Variants in NTRK3 observed in about 807,000 individuals in gnomAD.
NTRK3 encodes NT-3 growth factor receptor.
Under a neutral mutation model 91.7 loss-of-function variants are expected in NTRK3, and 24 were observed. The ratio of observed to expected loss-of-function variants is 0.26; its 90% confidence interval spans 0.19 to 0.37. NTRK3 has a LOEUF of 0.37. NTRK3 is among the 10% of genes least tolerant of loss of function. The probability of loss-of-function intolerance (pLI) is 1.00; values close to 1 mark genes in which losing one functional copy is unlikely to be tolerated. For synonymous variants in NTRK3, 483 were observed against 404.0 expected (o/e 1.20, Z -2.34); for missense variants, 880 against 1,068.9 (o/e 0.82, Z 2.46).
chr15:88,029,187 A>C (rs1487393940), intron 14 of NTRK3, among the ~76,000 whole-genome samples: 1 of 152,222 alleles, frequency 6.6e-6, no homozygotes, highest in East Asian at 1.9e-4. Flanking sequence ...TTCTGTATAC[A>C]TTGCAAACTA....
chr15:88,215,464 G>A (rs2049683701), intron 3 of NTRK3, among the ~76,000 whole-genome samples: 1 of 152,194 alleles, frequency 6.6e-6, no homozygotes, highest in Non-Finnish European at 1.5e-5. Context: ...TGGCTCCCCT[G>A]AAACGTTCCG....
chr15:88,175,125 T>C (rs16941392), intron 5 of NTRK3, among the ~76,000 whole-genome samples: 3,640 of 152,362 alleles, frequency 0.024, 131 homozygotes, highest in African/African-American at 0.081. Flanking sequence ...TTACAGCCTC[T>C]GTCATTCCTG....
intron 14 of NTRK3, among the ~76,000 whole-genome samples, chr15:87,956,702 T>A (rs1050586443): frequency 6.6e-6 from 1 of 151,550 alleles, no homozygotes; most frequent in African/African-American, 2.4e-5. Context: ...TCCAGAATAG[T>A]TGGGACTACA....
At chr15:88,209,829 G>C (rs922733340) in intron 3 of NTRK3, 3 of 152,308 alleles carry the variant, frequency 2.0e-5, no homozygotes, top group South Asian at 2.1e-4. Context: ...AGTTGGCAAA[G>C]GGTCCTGGGA....
chr15:88,234,212 T>C lies in NTRK3; in HGVS notation c.248+21694A>G, dbSNP rs959330407. On this transcript the variant is annotated intron_variant, in intron 3 of 18. Coordinates refer to ENST00000394480, the Ensembl canonical transcript of NTRK3. This position sits in a 1 kb window ranked among gnomAD's most constrained non-coding sequence, Gnocchi z 6.1. ...CCCTCTCAGGATCCAAGGTTGTCTC[T>C]CATCGCCCCCCGCTCGACCTTCAAA... is the stretch of plus-strand genomic sequence containing the variant. Among the ~76,000 whole-genome samples the C allele has an allele frequency of 6.6e-6, 1 of 152,104 alleles. No homozygotes were observed. The highest frequency in any genetic ancestry group is 2.4e-5 in the African/African-American group (1 of 41,422).
chr15:88,127,378 C>T (rs534245765), intron 11 of NTRK3, 152 bp from the exon 12 acceptor site: 2 of 720,914 alleles, frequency 2.8e-6, no homozygotes, highest in Non-Finnish European at 5.1e-6. Context: ...CTTCCCCAGG[C>T]TTTGCAGGAC....
chr15:88,226,366 G>A (rs1334989827), intron 3 of NTRK3, among the ~76,000 whole-genome samples: 1 of 152,194 alleles, frequency 6.6e-6, no homozygotes, highest in Non-Finnish European at 1.5e-5. Context: ...GTGCCGACTG[G>A]ATGGTGTGAG....
At chr15:88,101,871 T>C (rs907777123) in intron 13 of NTRK3, among the ~76,000 whole-genome samples, 7 of 151,170 alleles carry the variant, frequency 4.6e-5, no homozygotes, top group Non-Finnish European at 1.0e-4. Context: ...TGTTGTGGGG[T>C]GGGGGGAGTG....
chr15:88,256,051 T>C (rs1381478314), exon 3 of NTRK3: 3 of 1,612,870 alleles, frequency 1.9e-6, no homozygotes, highest in African/African-American at 1.3e-5. Context: ...CAGACACAAT[T>C]TGCAGGGCAA....
chr15:87,864,444 A>C, exon 19 of NTRK3: 1 of 230,576 alleles, frequency 4.3e-6, no homozygotes, highest in Non-Finnish European at 8.6e-6. Flanking sequence ...ATATCAGGTC[A>C]AACTTTCTCT....
At chr15:88,178,434 C>G (rs1053744017) in intron 5 of NTRK3, among the ~76,000 whole-genome samples, 5 of 152,340 alleles carry the variant, frequency 3.3e-5, no homozygotes, top group African/African-American at 9.6e-5. Context: ...GACTTCCTCT[C>G]TTTGCAAACA....
intron 13 of NTRK3, among the ~76,000 whole-genome samples, chr15:88,117,856 GGCCAGAGATAGACCA>G (rs1337414591): frequency 6.6e-6 from 1 of 152,194 alleles, no homozygotes; most frequent in African/African-American, 2.4e-5. Flanking sequence ...TGAGTGCAAG[GGCCAGAGATAGACCA>G]GCCTCAGGCT....
intron 3 of NTRK3, among the ~76,000 whole-genome samples, chr15:88,229,797 C>T (rs1415957616): frequency 6.6e-6 from 1 of 152,230 alleles, no homozygotes; most frequent in African/African-American, 2.4e-5. Context: ...ATCTACTTCC[C>T]CACATGGTTG....
intron 14 of NTRK3, among the ~76,000 whole-genome samples, chr15:87,960,000 G>T (rs2072088072): frequency 6.6e-6 from 1 of 152,222 alleles, no homozygotes; most frequent in African/African-American, 2.4e-5. Flanking sequence ...TAAAAAAGAA[G>T]TGGGGAGCAG....
At chr15:87,938,033 C>T (rs747849651) in intron 15 of NTRK3, among the ~76,000 whole-genome samples, 3 of 151,574 alleles carry the variant, frequency 2.0e-5, no homozygotes, top group Non-Finnish European at 4.4e-5. Flanking sequence ...AGGGGGTTGA[C>T]TGGGTTTGAA....
chr15:88,184,152 A>AC, intron 4 of NTRK3, 73 bp downstream of exon 4: 1 of 1,480,542 alleles, frequency 6.8e-7, no homozygotes, highest in Non-Finnish European at 9.4e-7. Context: ...CCCTCACGCC[A>AC]CCCCAGAAGG....
intron 13 of NTRK3, among the ~76,000 whole-genome samples, chr15:88,039,352 C>G (rs964032869): frequency 1.8e-4 from 28 of 152,206 alleles, no homozygotes; most frequent in African/African-American, 6.0e-4. Flanking sequence ...TCTGCACAGA[C>G]TCTCAATATC....
At chr15:87,901,907 C>A (rs2066480846) in intron 17 of NTRK3, among the ~76,000 whole-genome samples, 1 of 152,042 alleles carries the variant, frequency 6.6e-6, no homozygotes, top group Admixed American at 6.6e-5. Context: ...TTCTTATTCA[C>A]CACCAAGTTA....
chr15:88,182,498 A>T (rs972719323), intron 5 of NTRK3, among the ~76,000 whole-genome samples: 5 of 152,134 alleles, frequency 3.3e-5, no homozygotes, highest in African/African-American at 1.2e-4. Flanking sequence ...CACAGGAAAG[A>T]CTAGCCCATA....
Sources: allele counts gnomAD v4.1 joint callset (sites outside exome capture counted in the v4.1 genomes callset), GRCh38; gene constraint gnomAD v4.1.1; non-coding constraint Gnocchi (gnomAD v3.1); transcripts MANE v1.5; gene names NCBI Gene and HGNC (gene_info 2026-07-23, HGNC 2026-07-21).